Variants in MACROD2 observed in about 807,000 individuals in gnomAD.
MACROD2 encodes ADP-ribose glycohydrolase MACROD2.
MACROD2 carries 36 observed loss-of-function variants against 70.4 expected under a neutral mutation model. The observed-to-expected ratio is 0.51, with a 90% CI of 0.39 to 0.68. MACROD2 has a LOEUF of 0.68. MACROD2 is among the 30% of genes least tolerant of loss of function. The probability of loss-of-function intolerance (pLI) is 0.00; values close to 1 mark genes in which losing one functional copy is unlikely to be tolerated. For missense variants in MACROD2, 496 were observed against 538.4 expected, an observed-to-expected ratio of 0.92 and a Z score of 0.78; for synonymous variants, 172 against 178.8, an observed-to-expected ratio of 0.96 and a Z score of 0.30.
At chr20:14,956,753 A>G (rs1424535761) in intron 5 of MACROD2, among the ~76,000 whole-genome samples, 1 of 152,164 alleles carries the variant, frequency 6.6e-6, no homozygotes, top group Non-Finnish European at 1.5e-5. Flanking sequence ...GTGTTAGACA[A>G]TTGCTAGAGG....
intron 10 of MACROD2, among the ~76,000 whole-genome samples, chr20:15,912,880 G>C (rs895546741): frequency 6.6e-6 from 1 of 152,134 alleles, no homozygotes; most frequent in African/African-American, 2.4e-5. Context: ...TATTCTCATA[G>C]AGTAAGTTAG....
chr20:15,051,030 A>G (rs530531768), intron 5 of MACROD2, among the ~76,000 whole-genome samples: 187 of 152,220 alleles, frequency 1.2e-3, no homozygotes, highest in African/African-American at 4.2e-3. Context: ...ATAAGTCTGA[A>G]TATCTCCTTT....
At chr20:14,393,600 G>C (rs2065637) in intron 3 of MACROD2, among the ~76,000 whole-genome samples, 149,093 of 152,246 alleles carry the variant, frequency 0.98, 73,081 homozygotes, top group Middle Eastern at 1. Flanking sequence ...TTCTTTCCCA[G>C]CTCCTCTCTC....
At chr20:15,267,281 C>T (rs1482930987) in intron 6 of MACROD2, among the ~76,000 whole-genome samples, 1 of 152,160 alleles carries the variant, frequency 6.6e-6, no homozygotes, top group Non-Finnish European at 1.5e-5. Flanking sequence ...CTCCCTACCC[C>T]CAGGGAAGGG....
intron 5 of MACROD2, among the ~76,000 whole-genome samples, chr20:14,976,963 A>G (rs958907167): frequency 1.9e-4 from 29 of 152,212 alleles, no homozygotes; most frequent in African/African-American, 7.0e-4. Flanking sequence ...TATTTTAACT[A>G]GAAGAGTGCT....
intron 3 of MACROD2, among the ~76,000 whole-genome samples, chr20:14,352,123 T>C (rs956843031): frequency 1.3e-5 from 2 of 152,220 alleles, no homozygotes; most frequent in Non-Finnish European, 2.9e-5. Context: ...TTTAATGCAA[T>C]TTGCTAGTAT....
chr20:14,643,831 A>T (rs1337442450), intron 4 of MACROD2, among the ~76,000 whole-genome samples: 4 of 152,148 alleles, frequency 2.6e-5, no homozygotes, highest in African/African-American at 9.7e-5. Flanking sequence ...CTGGTATTTT[A>T]TAAAGATTTG....
intron 5 of MACROD2, among the ~76,000 whole-genome samples, chr20:15,082,996 C>T (rs980094118): frequency 2.0e-5 from 3 of 152,174 alleles, no homozygotes; most frequent in East Asian, 3.8e-4. Context: ...CCTGAGATCT[C>T]TTATTATCAG....
chr20:15,546,708 T>C (rs1410493576), intron 8 of MACROD2, among the ~76,000 whole-genome samples: 2 of 152,214 alleles, frequency 1.3e-5, no homozygotes, highest in African/African-American at 4.8e-5. Context: ...TGCTTCCTTT[T>C]GATGCCAGCT....
intron 8 of MACROD2, among the ~76,000 whole-genome samples, chr20:15,805,080 C>A (rs2063757184): frequency 6.6e-6 from 1 of 152,142 alleles, no homozygotes; most frequent in East Asian, 1.9e-4. Flanking sequence ...ACTGGTAATT[C>A]CCAGGATCAC....
At chr20:14,643,589 T>A (rs529240926) in intron 4 of MACROD2, among the ~76,000 whole-genome samples, 1 of 152,356 alleles carries the variant, frequency 6.6e-6, no homozygotes, top group South Asian at 2.1e-4. Flanking sequence ...TATTTTATAT[T>A]ACTTTGTGTC....
chr20:14,634,056 G>A (rs1282299872), intron 4 of MACROD2, among the ~76,000 whole-genome samples: 1 of 152,180 alleles, frequency 6.6e-6, no homozygotes, highest in African/African-American at 2.4e-5. Flanking sequence ...GGGTCCAGGA[G>A]CATTGCTCTC....
chr20:16,047,537 T>C (rs2067399628), intron 17 of MACROD2, among the ~76,000 whole-genome samples: 1 of 152,144 alleles, frequency 6.6e-6, no homozygotes, highest in Non-Finnish European at 1.5e-5. Flanking sequence ...GTAACTTCCG[T>C]TTTTGCACTC....
At chr20:15,490,183 C>CTTCT (rs2047212112) in intron 7 of MACROD2, among the ~76,000 whole-genome samples, 1 of 143,208 alleles carries the variant, frequency 7.0e-6, no homozygotes, top group African/African-American at 2.6e-5. Flanking sequence ...TCCTTCCTTC[C>CTTCT]TTCCTTTCTT....
intron 3 of MACROD2, among the ~76,000 whole-genome samples, chr20:14,107,573 C>A (rs1340002329): frequency 6.6e-6 from 1 of 152,014 alleles, no homozygotes; most frequent in Non-Finnish European, 1.5e-5. Context: ...AAAAGACTAC[C>A]TCAAGGCATT....
chr20:14,198,208 G>T (rs1410310090), intron 3 of MACROD2, among the ~76,000 whole-genome samples: 1 of 152,122 alleles, frequency 6.6e-6, no homozygotes, highest in Non-Finnish European at 1.5e-5. Flanking sequence ...GAGGAAAAGA[G>T]AGAGAAGAGA....
intron 8 of MACROD2, among the ~76,000 whole-genome samples, chr20:15,774,084 A>T (rs2051681197): frequency 6.6e-6 from 1 of 152,164 alleles, no homozygotes; most frequent in Non-Finnish European, 1.5e-5. Flanking sequence ...TAATGTAATA[A>T]AATAGCTTCC....
At chr20:14,647,167 T>C (rs1730026794) in intron 4 of MACROD2, among the ~76,000 whole-genome samples, 1 of 152,110 alleles carries the variant, frequency 6.6e-6, no homozygotes, top group Non-Finnish European at 1.5e-5. Flanking sequence ...AGCTACTAAT[T>C]CAGGAGGATT....
At chr20:15,510,052 T>G (rs1474397643) in intron 8 of MACROD2, among the ~76,000 whole-genome samples, 1 of 152,202 alleles carries the variant, frequency 6.6e-6, no homozygotes, top group Non-Finnish European at 1.5e-5. Context: ...GAGTTGATAT[T>G]AACAACCTTG....
Sources: allele counts gnomAD v4.1 joint callset (sites outside exome capture counted in the v4.1 genomes callset), GRCh38; gene constraint gnomAD v4.1.1; transcripts MANE v1.5; gene names NCBI Gene and HGNC (gene_info 2026-07-23, HGNC 2026-07-21).